SCAF8: variants seen among roughly 807,000 people sequenced by gnomAD.
SCAF8 encodes SR-related CTD associated factor 8.
In SCAF8, 23 loss-of-function variants were observed where a neutral mutation model predicts 140.5. That is an observed-to-expected ratio of 0.16 (90% CI 0.12 to 0.23). The LOEUF (loss-of-function observed/expected upper bound fraction) is 0.23, where lower values mean the gene tolerates loss of function less well. Ranked by LOEUF, SCAF8 falls within the 10% of genes least tolerant of loss-of-function variation. The pLI is 1.00. For missense variants in SCAF8, 1,397 were observed against 1,555.7 expected (o/e 0.90, Z 1.72); for synonymous variants, 575 against 528.9 (o/e 1.09, Z -1.20).
At chr6:154,813,088 T>C (rs1490596113) in intron 12 of SCAF8, among the ~76,000 whole-genome samples, 4 of 151,040 alleles carry the variant, frequency 2.6e-5, no homozygotes, top group Admixed American at 6.6e-5. Context: ...ACTTCTGTAG[T>C]CCCAGCTACT....
intron 1 of SCAF8, among the ~76,000 whole-genome samples, chr6:154,769,876 C>T (rs1776687287): frequency 6.6e-6 from 1 of 152,154 alleles, no homozygotes; most frequent in Non-Finnish European, 1.5e-5. Context: ...TACAGGCTTT[C>T]TGTTCTTAGA....
chr6:154,751,198 C>T (rs931209315), intron 1 of SCAF8, among the ~76,000 whole-genome samples: 1 of 151,876 alleles, frequency 6.6e-6, no homozygotes, highest in Non-Finnish European at 1.5e-5. Flanking sequence ...TCCCTGTTAA[C>T]TGTCTTGCTT....
intron 3 of SCAF8, 69 bp from the exon 4 acceptor site, chr6:154,787,792 A>T: frequency 7.6e-7 from 1 of 1,322,170 alleles, no homozygotes; most frequent in Non-Finnish European, 1.1e-6. Context: ...AGGATTTTTG[A>T]TGATTTTTGT....
Position 154,834,063 on chromosome 6 carries a change from G to A in SCAF8, c.*668G>A, listed in dbSNP as rs1418341509. On this transcript the variant is annotated 3_prime_UTR_variant, in exon 20 of 20. Coordinates refer to ENST00000367178, the MANE Select transcript of SCAF8 (RefSeq NM_014892.5). ...AATAAAACTTATTTGTTTGATAACA[G>A]TGTTCTAGGAATTGTATTTTTTTAA... 1 of 152,182 alleles carries A rather than the reference G, an allele frequency of 6.6e-6. No homozygotes were observed. Among genetic ancestry groups the A allele is most frequent in the African/African-American group, 2.4e-5 (1 of 41,440 alleles). The allele number at this position is 152,182 out of a possible 1,614,324, so 9.4% of individuals were successfully genotyped here.
chr6:154,819,099 T>C (rs1185414840), intron 14 of SCAF8, among the ~76,000 whole-genome samples: 2 of 152,206 alleles, frequency 1.3e-5, no homozygotes, highest in Non-Finnish European at 1.5e-5. Context: ...TTAATATCTT[T>C]CCATTACTTT....
At chr6:154,770,621 A>C (rs1454447760) in intron 1 of SCAF8, among the ~76,000 whole-genome samples, 1 of 152,034 alleles carries the variant, frequency 6.6e-6, no homozygotes, top group African/African-American at 2.4e-5. Context: ...ATGGGATCCT[A>C]ATTCTTGTCG....
chr6:154,810,308 G>A, intron 12 of SCAF8, 100 bp downstream of exon 12: 1 of 816,120 alleles, frequency 1.2e-6, no homozygotes. Flanking sequence ...TCAGATTAAG[G>A]TTAAAAGTGG....
At chr6:154,797,954 A>G (rs1777656661) in intron 6 of SCAF8, among the ~76,000 whole-genome samples, 1 of 151,262 alleles carries the variant, frequency 6.6e-6, no homozygotes, top group African/African-American at 2.4e-5. Context: ...ACCCTTCACT[A>G]TTCAAATCAA....
intron 1 of SCAF8, among the ~76,000 whole-genome samples, chr6:154,753,641 T>TA (rs1554257818): frequency 6.6e-6 from 1 of 152,120 alleles, no homozygotes; most frequent in Non-Finnish European, 1.5e-5. Flanking sequence ...AGTGTCTATT[T>TA]TATATATATA....
At chr6:154,811,735 G>C (rs1172230567) in intron 12 of SCAF8, among the ~76,000 whole-genome samples, 1 of 139,368 alleles carries the variant, frequency 7.2e-6, no homozygotes, top group African/African-American at 2.7e-5. Context: ...TCCCCGCCCT[G>C]TGTCCAAGTG....
chr6:154,801,245 T>C (rs1777764044), intron 6 of SCAF8, among the ~76,000 whole-genome samples: 1 of 151,592 alleles, frequency 6.6e-6, no homozygotes, highest in Non-Finnish European at 1.5e-5. Flanking sequence ...TACATAGTTT[T>C]TGTGTCCTTT....
chr6:154,766,509 GCTT>G (rs894902167), intron 1 of SCAF8, among the ~76,000 whole-genome samples: 4 of 152,182 alleles, frequency 2.6e-5, no homozygotes, highest in Non-Finnish European at 4.4e-5. Context: ...TTCTGGCACT[GCTT>G]CTTCTGCTGC....
intron 18 of SCAF8, among the ~76,000 whole-genome samples, chr6:154,827,838 G>GC (rs879810603): frequency 1.4e-4 from 21 of 150,880 alleles, no homozygotes; most frequent in Admixed American, 2.6e-4. Context: ...GCGGGGCGGG[G>GC]GGGGGGGCGG....
rs919123611 is a variant in SCAF8 at position 154,833,448 on chromosome 6, A to G, written c.*53A>G. The G allele has an allele frequency of 1.3e-6, 2 of 1,528,892 alleles. No individual in the cohort carries two copies. Among genetic ancestry groups the G allele is most frequent in the Non-Finnish European group, 1.8e-6 (2 of 1,127,994 alleles). The allele number at this position is 1,528,892 out of a possible 1,614,324, so 94.7% of individuals were successfully genotyped here. A position where few individuals can be genotyped will look rare whatever the true frequency, so the allele number is the denominator to read the frequency against. ...TTTGTAAAGTTGTCATCTCTCTGTA[A>G]TAGATAATGGCTGACTGGACCATAG... is the stretch of plus-strand genomic sequence containing the variant. On this transcript the variant is annotated 3_prime_UTR_variant, in exon 20 of 20. Coordinates refer to ENST00000367178, the MANE Select transcript of SCAF8 (RefSeq NM_014892.5).
At chr6:154,786,389 T>C (rs1259494159) in intron 3 of SCAF8, among the ~76,000 whole-genome samples, 1 of 152,206 alleles carries the variant, frequency 6.6e-6, no homozygotes, top group Non-Finnish European at 1.5e-5. Flanking sequence ...GATAGTGATG[T>C]TATACTCAGG....
At chr6:154,778,345 G>T (rs1327775794) in intron 3 of SCAF8, among the ~76,000 whole-genome samples, 2 of 152,246 alleles carry the variant, frequency 1.3e-5, no homozygotes, top group Non-Finnish European at 2.9e-5. Flanking sequence ...TGGGAGAAGG[G>T]TGCGGGATTT....
At chr6:154,814,591 A>G (rs1039942151) in intron 12 of SCAF8, among the ~76,000 whole-genome samples, 3 of 152,218 alleles carry the variant, frequency 2.0e-5, no homozygotes, top group Admixed American at 2.0e-4. Flanking sequence ...GTGGGGCTAA[A>G]TTAGCCATAG....
At chr6:154,794,285 T>C (rs890328388) in intron 5 of SCAF8, among the ~76,000 whole-genome samples, 16 of 152,280 alleles carry the variant, frequency 1.1e-4, no homozygotes, top group African/African-American at 3.8e-4. Context: ...TTGAAGATTG[T>C]ATTTTGAATA....
At chr6:154,823,927 T>TA (rs1778491476) in intron 16 of SCAF8, among the ~76,000 whole-genome samples, 1 of 152,196 alleles carries the variant, frequency 6.6e-6, no homozygotes, top group South Asian at 2.1e-4. Flanking sequence ...TAACAGGTAT[T>TA]ACTGAGTGGG....
Sources: allele counts gnomAD v4.1 joint callset (sites outside exome capture counted in the v4.1 genomes callset), GRCh38; gene constraint gnomAD v4.1.1; transcripts MANE v1.5; gene names NCBI Gene and HGNC (gene_info 2026-07-23, HGNC 2026-07-21).